Variants in SMAD2 observed in about 807,000 individuals in gnomAD.
SMAD2 encodes the protein MAD homolog 2.
A neutral mutation model predicts 64.4 loss-of-function variants in SMAD2; 8 were observed. That is an observed-to-expected ratio of 0.12 (90% CI 0.07 to 0.22). The LOEUF (loss-of-function observed/expected upper bound fraction) is 0.22. Ranked by LOEUF, SMAD2 falls within the 10% of genes least tolerant of loss-of-function variation. The probability of loss-of-function intolerance (pLI) is 1.00; values close to 1 mark genes in which losing one functional copy is unlikely to be tolerated. For missense variants in SMAD2, 289 were observed against 561.2 expected, an observed-to-expected ratio of 0.51 and a Z score of 4.90; for synonymous variants, 203 against 195.8, an observed-to-expected ratio of 1.04 and a Z score of -0.31.
chr18:47,862,709 C>G (rs2031274901), intron 6 of SMAD2, among the ~76,000 whole-genome samples: 1 of 152,140 alleles, frequency 6.6e-6, no homozygotes, highest in Non-Finnish European at 1.5e-5. Flanking sequence ...ATTAAAAAAC[C>G]CTTTAAGTCT....
In SMAD2 at chr18:47,836,965, A is replaced by T; in HGVS notation, c.*4862T>A. The stretch of plus-strand genomic sequence containing the variant: ...TGACTACCTCTGGAGACCACACACT[A>T]TCATTATTCTGACTGTCTTAAATAC... On this transcript the variant is annotated 3_prime_UTR_variant, in exon 11 of 11. Coordinates refer to ENST00000262160, the MANE Select transcript of SMAD2 (RefSeq NM_005901.6). 1 of 212,060 alleles carries T rather than the reference A, an allele frequency of 4.7e-6. No individual in the cohort carries two copies. The highest frequency in any genetic ancestry group is 9.6e-6 in the Non-Finnish European group (1 of 104,548). The allele number at this position is 212,060 out of a possible 1,614,324, so 13.1% of individuals were successfully genotyped here.
At position 47,834,535 on chromosome 18, in the gene SMAD2, A is replaced by T. The variant is rs1238996897; in HGVS notation, c.*7292T>A. ...TAATATCACTAGAGAAAAGGTAAGA[A>T]CTTTCAAGGGCATAACCTTTAAGGG... On this transcript the variant is annotated 3_prime_UTR_variant, in exon 11 of 11. Coordinates refer to ENST00000262160, the MANE Select transcript of SMAD2 (RefSeq NM_005901.6). 1 of 205,948 alleles carries T rather than the reference A, an allele frequency of 4.9e-6. No homozygotes were observed. The highest frequency in any genetic ancestry group is 9.9e-6 in the Non-Finnish European group (1 of 100,692). The allele number at this position is 205,948 out of a possible 1,614,324, so 12.8% of individuals were successfully genotyped here.
At chr18:47,847,974 C>A (rs1306795151) in intron 8 of SMAD2, among the ~76,000 whole-genome samples, 1 of 151,874 alleles carries the variant, frequency 6.6e-6, no homozygotes, top group East Asian at 1.9e-4. Flanking sequence ...TTGAGATGTC[C>A]CTGAATTATA....
At position 47,815,173 on chromosome 18, in the gene SMAD2, A is replaced by C. The variant is rs1912326488; in HGVS notation, c.*26654T>G. 6.6e-6 allele frequency: 1 copy of C among 152,250 alleles called. No homozygotes were observed. The allele number at this position is 152,250 out of a possible 1,614,324, so 9.4% of individuals were successfully genotyped here. On this transcript the variant is annotated 3_prime_UTR_variant, in exon 11 of 11. Transcript: ENST00000262160. ...CTTTGAAAAGCTGAGCATTTATCCA[A>C]AGAGATGGTTTTAAGCCTGAGATAG...
chr18:47,832,989 T>C lies in SMAD2; in HGVS notation c.*8838A>G, dbSNP rs1284237850. 5.8e-6 allele frequency: 1 copy of C among 172,396 alleles called. No individual in the cohort carries two copies. The highest frequency in any genetic ancestry group is 6.4e-5 in the Admixed American group (1 of 15,674). The allele number at this position is 172,396 out of a possible 1,614,324, so 10.7% of individuals were successfully genotyped here. ...TGTCCATATGTGAAATACAATCACT[T>C]TTTTTGGTTTCCATATAATTTAGGG... On this transcript the variant is annotated 3_prime_UTR_variant, in exon 11 of 11. Transcript: ENST00000262160.
chr18:47,890,566 C>T (rs2144452080), intron 2 of SMAD2, among the ~76,000 whole-genome samples: 2 of 152,210 alleles, frequency 1.3e-5, no homozygotes, highest in Middle Eastern at 6.8e-3. Context: ...TTTCAATGGA[C>T]CCAAAAGTCA....
chr18:47,884,253 A>G (rs1481048818), intron 2 of SMAD2, among the ~76,000 whole-genome samples: 1 of 152,198 alleles, frequency 6.6e-6, no homozygotes, highest in African/African-American at 2.4e-5. Context: ...TCCCACATAT[A>G]GTTCACACTT....
intron 1 of SMAD2, among the ~76,000 whole-genome samples, chr18:47,899,078 A>G (rs1222756492): frequency 6.6e-6 from 1 of 152,174 alleles, no homozygotes. Flanking sequence ...CAACCAGCAG[A>G]GAATTGCAAT....
chr18:47,824,563 C>A lies in SMAD2; in HGVS notation c.*17264G>T, dbSNP rs1568015352. The A allele has an allele frequency of 1.3e-5, 2 of 152,170 alleles. No individual in the cohort carries two copies. The highest frequency in any genetic ancestry group is 2.9e-5 in the Non-Finnish European group (2 of 68,022). 9.4% of individuals were successfully genotyped at this position (152,170 alleles called of 1,614,324 possible). ...CAATGCCCTATTCCCAAATAAACAT[C>A]ATTTTCTTTTAGAAAGCCTCTGTTA... On this transcript the variant is annotated 3_prime_UTR_variant, in exon 11 of 11. Coordinates refer to ENST00000262160, the MANE Select transcript of SMAD2 (RefSeq NM_005901.6).
rs574096221 is a variant in SMAD2, at chr18:47,829,835, C to A, written c.*11992G>T. 1 of 152,072 alleles carries A rather than the reference C, an allele frequency of 6.6e-6. No homozygotes were observed. Among genetic ancestry groups the A allele is most frequent in the African/African-American group, 2.4e-5 (1 of 41,404 alleles). 9.4% of individuals were successfully genotyped at this position (152,072 alleles called of 1,614,324 possible). On this transcript the variant is annotated 3_prime_UTR_variant, in exon 11 of 11. Transcript: ENST00000262160. ...ATGTTAAATTTAAGCATCTGAATTC[C>A]GAAATGATAAAGAACAGGAAAATAA...
chr18:47,854,193 A>G, intron 6 of SMAD2, among the ~76,000 whole-genome samples: 1 of 152,252 alleles, frequency 6.6e-6, no homozygotes, highest in East Asian at 1.9e-4. Flanking sequence ...TCCACTTAGA[A>G]TATTATAAAT....
intron 2 of SMAD2, among the ~76,000 whole-genome samples, chr18:47,881,662 C>G (rs1005825873): frequency 3.3e-5 from 5 of 152,100 alleles, no homozygotes; most frequent in Non-Finnish European, 5.9e-5. Context: ...CTGTCTTGTT[C>G]TTGAGGGAAA....
intron 7 of SMAD2, among the ~76,000 whole-genome samples, chr18:47,850,203 T>C (rs1353907067): frequency 1.1e-5 from 1 of 90,984 alleles, no homozygotes; most frequent in Non-Finnish European, 2.0e-5. Flanking sequence ...ATAGTATATA[T>C]ATATTATTAT....
At chr18:47,872,504 G>A (rs2031996901) in intron 2 of SMAD2, among the ~76,000 whole-genome samples, 1 of 152,096 alleles carries the variant, frequency 6.6e-6, no homozygotes, top group Non-Finnish European at 1.5e-5. Flanking sequence ...TACATATTAT[G>A]CATAATATAG....
At chr18:47,874,711 T>C (rs1261071863) in intron 2 of SMAD2, among the ~76,000 whole-genome samples, 1 of 152,098 alleles carries the variant, frequency 6.6e-6, no homozygotes, top group Non-Finnish European at 1.5e-5. Context: ...GGTAAAAAGA[T>C]CTGTAATTAC....
chr18:47,884,006 A>G (rs1311845421), intron 2 of SMAD2, among the ~76,000 whole-genome samples: 2 of 152,140 alleles, frequency 1.3e-5, no homozygotes, highest in Admixed American at 6.6e-5. Context: ...AAGTCTCAGC[A>G]TATGTACAGT....
At chr18:47,899,097 G>A (rs923763469) in intron 1 of SMAD2, among the ~76,000 whole-genome samples, 6 of 152,010 alleles carry the variant, frequency 3.9e-5, no homozygotes, top group African/African-American at 1.5e-4. Flanking sequence ...ATACACAAAA[G>A]GAAGAATAGC....
In SMAD2 at chr18:47,868,410, G is replaced by T. The variant is rs761881557; in HGVS notation, c.568C>A (p.Leu190Ile). Residue 190 changes from leucine to isoleucine, a missense_variant, in exon 5 of 11, where the codon CTT becomes ATT. By Grantham distance (5) the Leu-to-Ile change is conservative. This residue lies in a region of SMAD2 where 119 missense variants were observed against 156.7 expected (regional missense o/e 0.76). Transcript: ENST00000262160. ...TGAGTATAGTCATCCAGAGGCGGAA[G>T]TTCTGTTAGGATCTCGGTGTGTCGG... ...VPRHTEILTE[L>I]PPLDDYTHSI... The T allele has an allele frequency of 6.2e-7, 1 of 1,611,012 alleles. No individual in the cohort carries two copies. The highest frequency in any genetic ancestry group is 8.5e-7 in the Non-Finnish European group (1 of 1,177,398).
chr18:47,863,550 A>T (rs888946017), intron 6 of SMAD2, among the ~76,000 whole-genome samples: 12 of 151,826 alleles, frequency 7.9e-5, no homozygotes, highest in African/African-American at 2.7e-4. Flanking sequence ...GAATCCCTGC[A>T]GCCTTTTTTT....
Sources: gnomAD v4.1 joint callset for allele counts (sites outside exome capture counted in the v4.1 genomes callset) on GRCh38, gnomAD v4.1.1 for gene constraint, gnomAD v4.1.1 regional missense constraint, MANE v1.5 for transcripts, NCBI Gene and HGNC (gene_info 2026-07-23, HGNC 2026-07-21) for gene names.